LAMC1: variants seen among roughly 807,000 people sequenced by gnomAD.
LAMC1 encodes laminin subunit gamma 1, also known as laminin subunit gamma-1.
A neutral mutation model predicts 173.6 loss-of-function variants in LAMC1; 38 were observed. The observed-to-expected ratio is 0.22, with a 90% CI of 0.17 to 0.29. The LOEUF (loss-of-function observed/expected upper bound fraction) is 0.29, where lower values mean the gene tolerates loss of function less well. Ranked by LOEUF, LAMC1 falls within the 10% of genes least tolerant of loss-of-function variation. LAMC1 has a pLI of 1.00. For synonymous variants in LAMC1, 746 were observed against 749.1 expected, an observed-to-expected ratio of 1.00 and a Z score of 0.07; for missense variants, 1,824 against 2,051.8, an observed-to-expected ratio of 0.89 and a Z score of 2.14.
rs1653618309 is a variant in LAMC1 at position 183,024,222 on chromosome 1, C to A, written c.418+88C>A. ...CCGTCCCAGTGGCCGGCCTCACGGG[C>A]GCAGACGGCCGCGTGTTTGCTCTCT... On this transcript the variant is annotated intron_variant, in intron 1 of 27. Coordinates refer to ENST00000258341, the MANE Select transcript of LAMC1 (RefSeq NM_002293.4). 37 of 1,296,184 alleles carry A rather than the reference C, an allele frequency of 2.9e-5. No homozygotes were observed. The South Asian group carries it at 5.1e-4, about 18-fold the overall frequency. The allele number at this position is 1,296,184 out of a possible 1,614,324, so 80.3% of individuals were successfully genotyped here.
At chr1:183,120,440 T>C (rs1486938915) in intron 11 of LAMC1, among the ~76,000 whole-genome samples, 1 of 152,222 alleles carries the variant, frequency 6.6e-6, no homozygotes, top group African/African-American at 2.4e-5. Context: ...GATAAACCTG[T>C]AAACATACTA....
intron 16 of LAMC1, among the ~76,000 whole-genome samples, chr1:183,127,000 C>T (rs1656636962): frequency 6.6e-6 from 1 of 152,140 alleles, no homozygotes; most frequent in Non-Finnish European, 1.5e-5. Flanking sequence ...TGAAGTGTGT[C>T]CCAAAGGTTG....
chr1:183,119,507 T>A (rs972585066), intron 11 of LAMC1, among the ~76,000 whole-genome samples: 1 of 152,098 alleles, frequency 6.6e-6, no homozygotes, highest in African/African-American at 2.4e-5. Flanking sequence ...AAGGATGGAA[T>A]CCTGGAAACA....
chr1:183,065,467 A>G (rs1393383697), intron 1 of LAMC1, among the ~76,000 whole-genome samples: 1 of 152,182 alleles, frequency 6.6e-6, no homozygotes, highest in Non-Finnish European at 1.5e-5. Context: ...TGGAAGCAGA[A>G]TTCCTTCTTC....
At chr1:183,029,949 G>A (rs993860222) in intron 1 of LAMC1, among the ~76,000 whole-genome samples, 1 of 151,690 alleles carries the variant, frequency 6.6e-6, no homozygotes, top group African/African-American at 2.4e-5. Flanking sequence ...CATGTCTCTC[G>A]ATTTGGGGGT....
chr1:183,044,802 C>T (rs547991981), intron 1 of LAMC1, among the ~76,000 whole-genome samples: 1 of 152,146 alleles, frequency 6.6e-6, no homozygotes, highest in African/African-American at 2.4e-5. Context: ...GTCTTCCTTT[C>T]CAGGATCCAC....
intron 1 of LAMC1, among the ~76,000 whole-genome samples, chr1:183,093,951 A>T (rs1371556584): frequency 6.6e-6 from 1 of 152,214 alleles, no homozygotes; most frequent in South Asian, 2.1e-4. Context: ...TCAGTACAGC[A>T]ACCAGTCATC....
chr1:183,117,886 A>G, intron 10 of LAMC1, 148 bp from the exon 11 acceptor site: 1 of 742,576 alleles, frequency 1.3e-6, no homozygotes, highest in Non-Finnish European at 2.2e-6. Context: ...TATCTTTTCC[A>G]ATTGTACTAC....
rs760564080 is a variant in LAMC1, at chr1:183,125,500, T to A, written c.2751T>A (p.Gly917=). Residue 917 remains glycine (G), a synonymous_variant, in exon 15 of 28, where the codon GGT becomes GGA. Transcript: ENST00000258341. The part of the protein sequence containing the change: ...CLPHVTGQDC[G]ACDPGFYNLQ... ...CTCACGTGACTGGCCAGGACTGTGG[T>A]GCTTGTGACCCTGGATTCTACAATC... The A allele has an allele frequency of 1.9e-6, 3 of 1,612,842 alleles. No individual in the cohort carries two copies. In the East Asian group the frequency reaches 6.7e-5, roughly 36 times the overall value.
intron 1 of LAMC1, among the ~76,000 whole-genome samples, chr1:183,048,218 T>G (rs756348793): frequency 1.3e-5 from 2 of 152,236 alleles, no homozygotes; most frequent in African/African-American, 2.4e-5. Context: ...CCTTGTTTCT[T>G]CTTACGGAAC....
At position 183,130,502 on chromosome 1, in the gene LAMC1, A is replaced by G. The variant is rs1327323252; in HGVS notation, c.3439A>G (p.Ile1147Val). The change falls in exon 19 of 28, where the codon ATC (isoleucine) becomes GTC (valine). Residue 1147 changes from isoleucine to valine, a missense_variant. Ile to Val is a conservative substitution (Grantham distance 29). Transcript: ENST00000258341. Reference protein sequence around the residue: ...HVENTERLIEIASRELEKAKV... With the variant: ...HVENTERLIEVASRELEKAKV... The stretch of plus-strand genomic sequence containing the variant: ...AGAGAACACAGAGCGGTTGATTGAA[A>G]TCGCATCCAGAGAACTTGAGAAAGC... 10 of 1,614,134 alleles carry G rather than the reference A, an allele frequency of 6.2e-6. No homozygotes were observed. The highest frequency in any genetic ancestry group is 8.5e-6 in the Non-Finnish European group (10 of 1,180,058).
intron 1 of LAMC1, among the ~76,000 whole-genome samples, chr1:183,034,279 A>T (rs2102009384): frequency 6.6e-6 from 1 of 151,966 alleles, no homozygotes; most frequent in Non-Finnish European, 1.5e-5. Context: ...TTCAGTTGAA[A>T]CTTTTTTCTG....
At chr1:183,130,243 G>A (rs1323010138) in intron 18 of LAMC1, 101 bp from the exon 19 acceptor site, 10 of 1,027,652 alleles carry the variant, frequency 9.7e-6, no homozygotes, top group Middle Eastern at 2.6e-4. Context: ...AGAAAGTTGC[G>A]ATGTTTAGAA....
At chr1:183,103,676 A>C (rs1169315082) in intron 2 of LAMC1, 44 bp downstream of exon 2, 1 of 1,493,528 alleles carries the variant, frequency 6.7e-7, no homozygotes, top group Non-Finnish European at 9.0e-7. Context: ...GTTCTACAAC[A>C]TGCGAGGTGT....
chr1:183,031,903 A>G (rs1653858688), intron 1 of LAMC1, among the ~76,000 whole-genome samples: 1 of 151,886 alleles, frequency 6.6e-6, no homozygotes, highest in African/African-American at 2.4e-5. Context: ...GTAGAATAAA[A>G]TAATTTAAAA....
chr1:183,111,360 T>C (rs1656146374), intron 4 of LAMC1, among the ~76,000 whole-genome samples: 1 of 152,168 alleles, frequency 6.6e-6, no homozygotes, highest in Admixed American at 6.5e-5. Flanking sequence ...GTGCTGGGAT[T>C]ACAGGTGGGA....
At chr1:183,094,014 G>T (rs561404245) in intron 1 of LAMC1, among the ~76,000 whole-genome samples, 1 of 152,276 alleles carries the variant, frequency 6.6e-6, no homozygotes, top group Non-Finnish European at 1.5e-5. Context: ...ACTCTCCAGT[G>T]GGTTCTCATC....
chr1:183,037,432 C>T (rs1301009058), intron 1 of LAMC1, among the ~76,000 whole-genome samples: 1 of 152,194 alleles, frequency 6.6e-6, no homozygotes, highest in African/African-American at 2.4e-5. Flanking sequence ...CTTCTCTGCT[C>T]CAAGTAAATT....
intron 17 of LAMC1, among the ~76,000 whole-genome samples, 162 bp from the exon 18 acceptor site, chr1:183,128,432 G>A (rs1171151657): frequency 2.0e-5 from 3 of 150,864 alleles, no homozygotes; most frequent in Non-Finnish European, 4.4e-5. Context: ...CCTGCATGTT[G>A]TGCACATGTA....
Sources: gnomAD v4.1 joint callset for allele counts (sites outside exome capture counted in the v4.1 genomes callset) on GRCh38, gnomAD v4.1.1 for gene constraint, MANE v1.5 for transcripts, NCBI Gene and HGNC (gene_info 2026-07-23, HGNC 2026-07-21) for gene names.